Variants in GPD2 observed in about 807,000 individuals in gnomAD.
GPD2 encodes glycerol-3-phosphate dehydrogenase 2.
GPD2 carries 54 observed loss-of-function variants against 82.4 expected under a neutral mutation model. That is an observed-to-expected ratio of 0.66 (90% CI 0.53 to 0.82). The LOEUF is 0.82. GPD2 is among the 40% of genes least tolerant of loss of function. GPD2 has a pLI of 0.00. For synonymous variants in GPD2, 288 were observed against 306.1 expected (o/e 0.94, Z 0.62); for missense variants, 748 against 896.2 (o/e 0.83, Z 2.11).
At chr2:156,440,341 T>C (rs903222570) in intron 1 of GPD2, among the ~76,000 whole-genome samples, 1 of 152,236 alleles carries the variant, frequency 6.6e-6, no homozygotes, top group African/African-American at 2.4e-5. Context: ...CTTCCTGTAC[T>C]ATATGACCAG....
chr2:156,475,774 T>C (rs999374170), intron 1 of GPD2, among the ~76,000 whole-genome samples: 4 of 152,234 alleles, frequency 2.6e-5, no homozygotes, highest in African/African-American at 4.8e-5. Flanking sequence ...GCAGTTTTGT[T>C]AAATACCCAA....
the GPD2 span, among the ~76,000 whole-genome samples, chr2:156,425,590 T>C: frequency 6.6e-6 from 1 of 152,202 alleles, no homozygotes; most frequent in Non-Finnish European, 1.5e-5. Flanking sequence ...GCAAAAATCA[T>C]CTAGAAGTGA....
chr2:156,429,319 A>G, the GPD2 span, among the ~76,000 whole-genome samples: 1 of 152,248 alleles, frequency 6.6e-6, no homozygotes, highest in Non-Finnish European at 1.5e-5. Flanking sequence ...TTCAGCTCCC[A>G]CAACAGAACT....
chr2:156,528,522 T>C (rs1437731111), intron 6 of GPD2, among the ~76,000 whole-genome samples: 1 of 151,602 alleles, frequency 6.6e-6, no homozygotes, highest in Admixed American at 6.6e-5. Context: ...TGTGCCATGC[T>C]AGTGCGCTGC....
At chr2:156,553,472 C>T (rs1288604394) in intron 8 of GPD2, among the ~76,000 whole-genome samples, 2 of 152,094 alleles carry the variant, frequency 1.3e-5, no homozygotes, top group Non-Finnish European at 2.9e-5. Flanking sequence ...CTTCAACTTA[C>T]TGCCCAGCTA....
intron 3 of GPD2, 29 bp from the exon 4 acceptor site, chr2:156,510,766 AG>A (rs1684964954): frequency 6.3e-7 from 1 of 1,590,080 alleles, no homozygotes; most frequent in East Asian, 2.2e-5. Flanking sequence ...GTGTAATTTA[AG>A]AAGTTAATTT....
chr2:156,463,915 A>G (rs1683069951), intron 1 of GPD2, among the ~76,000 whole-genome samples: 1 of 152,212 alleles, frequency 6.6e-6, no homozygotes, highest in Non-Finnish European at 1.5e-5. Context: ...CATCTTATGC[A>G]GAATAACTAG....
intron 16 of GPD2, 144 bp downstream of exon 16, chr2:156,579,932 G>A: frequency 1.4e-6 from 1 of 691,694 alleles, no homozygotes; most frequent in Non-Finnish European, 2.7e-6. Flanking sequence ...GCCAGCAGAG[G>A]TTGATATGTC....
At chr2:156,528,891 G>A (rs1685721132) in intron 6 of GPD2, among the ~76,000 whole-genome samples, 1 of 152,096 alleles carries the variant, frequency 6.6e-6, no homozygotes, top group East Asian at 1.9e-4. Context: ...TAATGCCGCA[G>A]TAAACATAGT....
intron 2 of GPD2, among the ~76,000 whole-genome samples, chr2:156,479,682 G>T (rs1683650290): frequency 6.6e-6 from 1 of 152,106 alleles, no homozygotes; most frequent in Non-Finnish European, 1.5e-5. Context: ...ATGAAGGTTG[G>T]CTGACTTCTT....
At chr2:156,472,910 C>G (rs922249731) in intron 1 of GPD2, among the ~76,000 whole-genome samples, 2 of 152,170 alleles carry the variant, frequency 1.3e-5, no homozygotes, top group African/African-American at 4.8e-5. Context: ...CCCATTTCCT[C>G]TGAGCTACCA....
chr2:156,521,941 G>A (rs1685423135), intron 6 of GPD2, among the ~76,000 whole-genome samples: 1 of 152,176 alleles, frequency 6.6e-6, no homozygotes, highest in African/African-American at 2.4e-5. Context: ...AAATGAAACT[G>A]ACATCATTGC....
chr2:156,442,097 G>T (rs1032928408), intron 1 of GPD2, among the ~76,000 whole-genome samples: 2 of 152,026 alleles, frequency 1.3e-5, no homozygotes, highest in African/African-American at 4.8e-5. Context: ...GTCCTCTGTG[G>T]AATCTCATAT....
At chr2:156,511,061 T>A in intron 4 of GPD2, 141 bp downstream of exon 4, 2 of 800,842 alleles carry the variant, frequency 2.5e-6, no homozygotes, top group Non-Finnish European at 4.4e-6. Context: ...TGCTGGAATA[T>A]CTTTCAGGAG....
intron 10 of GPD2, 53 bp from the exon 11 acceptor site, chr2:156,569,310 T>A: frequency 1.7e-6 from 2 of 1,199,836 alleles, no homozygotes; most frequent in Non-Finnish European, 2.5e-6. Flanking sequence ...TGGTTAATTA[T>A]AAGAAAAATA....
intron 6 of GPD2, among the ~76,000 whole-genome samples, chr2:156,540,829 A>G (rs1226460629): frequency 2.0e-5 from 3 of 152,214 alleles, no homozygotes; most frequent in Non-Finnish European, 4.4e-5. Flanking sequence ...AAAGGAGTAA[A>G]AGAAGAACAA....
chr2:156,511,916 G>A (rs745589376), intron 4 of GPD2, among the ~76,000 whole-genome samples: 4 of 152,122 alleles, frequency 2.6e-5, no homozygotes, highest in Non-Finnish European at 5.9e-5. Context: ...ACTGAGAAAG[G>A]GAGACAATCC....
chr2:156,532,760 A>G (rs1402954360), intron 6 of GPD2, among the ~76,000 whole-genome samples: 1 of 152,232 alleles, frequency 6.6e-6, no homozygotes, highest in Admixed American at 6.5e-5. Flanking sequence ...ATTTAGAAGG[A>G]CATTGGGTAG....
At chr2:156,509,935 C>T (rs887870577) in intron 3 of GPD2, among the ~76,000 whole-genome samples, 1 of 151,794 alleles carries the variant, frequency 6.6e-6, no homozygotes, top group Non-Finnish European at 1.5e-5. Flanking sequence ...CACCATGCCA[C>T]CATGCCCAGC....
Sources: allele counts gnomAD v4.1 joint callset (sites outside exome capture counted in the v4.1 genomes callset), GRCh38; gene constraint gnomAD v4.1.1; transcripts MANE v1.5; gene names NCBI Gene and HGNC (gene_info 2026-07-23, HGNC 2026-07-21).